TMEM181: variants seen among roughly 807,000 people sequenced by gnomAD.
TMEM181 encodes G protein-coupled receptor 178.
TMEM181 carries 39 observed loss-of-function variants against 71.9 expected under a neutral mutation model. That is an observed-to-expected ratio of 0.54 (90% CI 0.42 to 0.71). The LOEUF (loss-of-function observed/expected upper bound fraction) is 0.71. Among genes scored for constraint, TMEM181 ranks in the 30% least tolerant of loss-of-function variants. The pLI is 0.00. For synonymous variants in TMEM181, 245 were observed against 228.8 expected (o/e 1.07, Z -0.64); for missense variants, 595 against 583.0 (o/e 1.02, Z -0.21).
intron 6 of TMEM181, among the ~76,000 whole-genome samples, chr6:158,593,882 G>A (rs1784246991): frequency 6.6e-6 from 1 of 151,982 alleles, no homozygotes; most frequent in South Asian, 2.1e-4. Flanking sequence ...TGGTACATTT[G>A]TTACAGTTAA....
Position 158,634,567 on chromosome 6 carries a change from C to T in TMEM181, c.*2679C>T, listed in dbSNP as rs545315911. Reference sequence around the variant, plus strand: ...TTTCCCTAGGGAGAGCTTCGTTATCCATGTGGATGATAAGTCTGCTTGATT... The same window carrying T: ...TTTCCCTAGGGAGAGCTTCGTTATCTATGTGGATGATAAGTCTGCTTGATT... On this transcript the variant is annotated 3_prime_UTR_variant, in exon 17 of 17. Transcript: ENST00000684151. 6.6e-6 allele frequency: 1 copy of T among 152,190 alleles called. No individual in the cohort carries two copies. The highest frequency in any genetic ancestry group is 1.9e-4 in the East Asian group (1 of 5,180). 9.4% of individuals were successfully genotyped at this position (152,190 alleles called of 1,614,324 possible). A position where few individuals can be genotyped will look rare whatever the true frequency, so the allele number is the denominator to read the frequency against.
At position 158,547,201 on chromosome 6, in the gene TMEM181, G is replaced by C. The variant is rs1267042459; in HGVS notation, c.131+10336G>C. Among the ~76,000 whole-genome samples, 3 of 152,174 alleles carry C rather than the reference G, an allele frequency of 2.0e-5. No individual in the cohort carries two copies. The East Asian group carries it at 5.8e-4, about 29-fold the overall frequency. ...GGAAGCTGAGGTGGGAGGGTTATCT[G>C]AGCCTGGGAACTCGAGGCTGCAGTG... is the stretch of plus-strand genomic sequence containing the variant. On this transcript the variant is annotated intron_variant, in intron 1 of 16. Transcript: ENST00000367090.
chr6:158,595,954 C>G (rs1474193971), intron 6 of TMEM181, among the ~76,000 whole-genome samples: 1 of 152,062 alleles, frequency 6.6e-6, no homozygotes, highest in Admixed American at 6.6e-5. Context: ...CGGAGTCTTG[C>G]TCTGTCACCC....
chr6:158,624,921 C>T (rs1786185023), intron 11 of TMEM181, among the ~76,000 whole-genome samples, 183 bp from the exon 12 acceptor site: 1 of 152,186 alleles, frequency 6.6e-6, no homozygotes, highest in African/African-American at 2.4e-5. Context: ...GGGGAGCTGC[C>T]TGTGCTCGCA....
chr6:158,576,450 C>G (rs919913577), intron 2 of TMEM181, among the ~76,000 whole-genome samples: 2 of 152,088 alleles, frequency 1.3e-5, no homozygotes, highest in Non-Finnish European at 2.9e-5. Context: ...AACGTTACTT[C>G]CAGGGGATTT....
chr6:158,622,956 G>T lies in TMEM181; in HGVS notation c.897-594G>T, dbSNP rs934128734. ...ATGAGTGCTTTTGTCCTGTAAAATG[G>T]CCCCACAGCAGAAGCCTAGTGTGGT... On this transcript the variant is annotated intron_variant, in intron 10 of 16. Transcript: ENST00000684151. Among the ~76,000 whole-genome samples, 50 of 152,076 alleles carry T rather than the reference G, an allele frequency of 3.3e-4. 1 individual carries two copies. The highest frequency in any genetic ancestry group is 5.4e-4 in the Non-Finnish European group (37 of 68,018).
At chr6:158,566,448 ATGAGGGAGGTGATGG>A (rs1370250291) in intron 1 of TMEM181, among the ~76,000 whole-genome samples, 141 of 145,648 alleles carry the variant, frequency 9.7e-4, no homozygotes, top group African/African-American at 2.9e-3. Context: ...CGAGGAGTTG[ATGAGGGAGGTGATGG>A]TGAGGGAGGT....
At chr6:158,604,332 ATGCG>A (rs1471483379) in intron 6 of TMEM181, among the ~76,000 whole-genome samples, 1 of 123,920 alleles carries the variant, frequency 8.1e-6, no homozygotes, top group Non-Finnish European at 1.8e-5. Flanking sequence ...GCATGCGTGC[ATGCG>A]TGTGTGTGTG....
At chr6:158,626,651 A>G (rs1039265912) in intron 13 of TMEM181, 7 of 457,172 alleles carry the variant, frequency 1.5e-5, no homozygotes, top group African/African-American at 1.4e-4. Context: ...TTCAGCATCA[A>G]AAGTCACTCA....
rs1022904464 is a variant in TMEM181, at chr6:158,631,826, A to G, written c.1366A>G (p.Met456Val). ...DVIYGSDYEE[M>V]PLQNGQAIRA... is the part of the protein sequence containing the mutation. Reference sequence around the variant, plus strand: ...TGCTCACAGGAGTGACTATGAGGAAATGCCGCTGCAGAACGGCCAGGCCAT... The same window carrying G: ...TGCTCACAGGAGTGACTATGAGGAAGTGCCGCTGCAGAACGGCCAGGCCAT... The change falls in exon 17 of 17, where the codon ATG becomes GTG. Residue 456 changes from methionine to valine, a missense_variant. Coordinates refer to ENST00000684151, the MANE Select transcript of TMEM181 (RefSeq NM_001376852.1). 6.2e-7 allele frequency: 1 copy of G among 1,600,546 alleles called. No homozygotes were observed. The highest frequency in any genetic ancestry group is 1.1e-5 in the South Asian group (1 of 88,494).
intron 2 of TMEM181, among the ~76,000 whole-genome samples, chr6:158,575,624 A>G (rs1783113185): frequency 6.6e-6 from 1 of 152,174 alleles, no homozygotes; most frequent in Non-Finnish European, 1.5e-5. Flanking sequence ...AGCCAAGTCT[A>G]GATTTTTCTG....
intron 3 of TMEM181, among the ~76,000 whole-genome samples, chr6:158,583,603 A>C (rs1001100044): frequency 1.3e-5 from 2 of 152,188 alleles, no homozygotes; most frequent in Non-Finnish European, 2.9e-5. Flanking sequence ...GATCGAGACC[A>C]TCCTGGCTAA....
chr6:158,631,077 CCTG>C (rs1400370621), intron 15 of TMEM181, among the ~76,000 whole-genome samples: 4 of 152,240 alleles, frequency 2.6e-5, no homozygotes, highest in Non-Finnish European at 5.9e-5. Flanking sequence ...TGGCAGCCTG[CCTG>C]CTCCTTCCCA....
At chr6:158,582,813 T>C (rs1442549294) in intron 3 of TMEM181, among the ~76,000 whole-genome samples, 1 of 152,224 alleles carries the variant, frequency 6.6e-6, no homozygotes, top group Non-Finnish European at 1.5e-5. Flanking sequence ...TTTCAAAAGA[T>C]ACTGCAGAAG....
chr6:158,610,270 T>C (rs560060738), intron 10 of TMEM181: 33 of 278,074 alleles, frequency 1.2e-4, no homozygotes, highest in Middle Eastern at 9.1e-4. Flanking sequence ...CTGACTCTTA[T>C]TGTAGTAACA....
chr6:158,550,255 G>GAA (rs1781675273), intron 1 of TMEM181, among the ~76,000 whole-genome samples: 1 of 151,760 alleles, frequency 6.6e-6, no homozygotes, highest in South Asian at 2.1e-4. Flanking sequence ...ATGTTGGTCA[G>GAA]GCTGGTCTCG....
At chr6:158,584,291 C>T (rs1469694338) in intron 4 of TMEM181, among the ~76,000 whole-genome samples, 11 of 152,178 alleles carry the variant, frequency 7.2e-5, no homozygotes, top group Non-Finnish European at 1.3e-4. Context: ...ATGGTGTCGG[C>T]GCTACAGCTG....
At chr6:158,599,882 A>G (rs186897835) in intron 6 of TMEM181, among the ~76,000 whole-genome samples, 12 of 152,366 alleles carry the variant, frequency 7.9e-5, no homozygotes, top group Non-Finnish European at 1.6e-4. Flanking sequence ...AGGAGCACGC[A>G]GGTGATTCTG....
chr6:158,562,409 C>CAAA (rs1417965074), intron 1 of TMEM181, among the ~76,000 whole-genome samples: 1 of 151,196 alleles, frequency 6.6e-6, no homozygotes, highest in Non-Finnish European at 1.5e-5. Flanking sequence ...TTTGGTCTTA[C>CAAA]TTTAGCATTT....
Sources: gnomAD v4.1 joint callset for allele counts (sites outside exome capture counted in the v4.1 genomes callset) on GRCh38, gnomAD v4.1.1 for gene constraint, MANE v1.5 for transcripts, NCBI Gene and HGNC (gene_info 2026-07-23, HGNC 2026-07-21) for gene names.